The following MPPED2 variants were observed in gnomAD, a reference collection of about 807,000 sequenced individuals.
The protein encoded by MPPED2 is metallophosphoesterase MPPED2.
In MPPED2, 5 loss-of-function variants were observed where a neutral mutation model predicts 33.0. The observed-to-expected ratio is 0.15, with a 90% CI of 0.08 to 0.32. The LOEUF (loss-of-function observed/expected upper bound fraction) is 0.32, where lower values mean the gene tolerates loss of function less well. Ranked by LOEUF, MPPED2 falls within the 10% of genes least tolerant of loss-of-function variation. MPPED2 has a pLI of 1.00. For synonymous variants in MPPED2, 136 were observed against 141.9 expected, an observed-to-expected ratio of 0.96 and a Z score of 0.29; for missense variants, 275 against 372.1, an observed-to-expected ratio of 0.74 and a Z score of 2.15.
chr11:30,448,278 A>G (rs1356411148), intron 4 of MPPED2, among the ~76,000 whole-genome samples: 1 of 152,254 alleles, frequency 6.6e-6, no homozygotes, highest in East Asian at 1.9e-4. Flanking sequence ...GTGGGGAGGG[A>G]GCCATGATGT....
chr11:30,397,337 A>G (rs1366330946), intron 6 of MPPED2, among the ~76,000 whole-genome samples: 2 of 152,158 alleles, frequency 1.3e-5, no homozygotes, highest in Admixed American at 6.6e-5. Flanking sequence ...CTCCTCTAGT[A>G]AATTTCATAT....
intron 3 of MPPED2, among the ~76,000 whole-genome samples, chr11:30,499,165 C>A (rs1952439871): frequency 6.6e-6 from 1 of 152,154 alleles, no homozygotes; most frequent in Non-Finnish European, 1.5e-5. Flanking sequence ...TGCAAAATAC[C>A]CTCTAACCAC....
chr11:30,555,572 T>C (rs1955925668), intron 2 of MPPED2, among the ~76,000 whole-genome samples: 1 of 152,250 alleles, frequency 6.6e-6, no homozygotes, highest in East Asian at 1.9e-4. Flanking sequence ...GCCCTTCTCA[T>C]GATAGTGAAT....
intron 2 of MPPED2, among the ~76,000 whole-genome samples, chr11:30,553,750 C>G (rs1439749323): frequency 6.6e-6 from 1 of 152,124 alleles, no homozygotes; most frequent in Non-Finnish European, 1.5e-5. Context: ...GAGGGATAAG[C>G]AGCCACTTCA....
At chr11:30,400,081 T>C (rs1372299028) in intron 6 of MPPED2, among the ~76,000 whole-genome samples, 5 of 152,142 alleles carry the variant, frequency 3.3e-5, no homozygotes, top group Non-Finnish European at 7.4e-5. Flanking sequence ...ATACAGCATA[T>C]TACTTTTTAA....
chr11:30,514,251 G>A (rs964060396), intron 3 of MPPED2, among the ~76,000 whole-genome samples: 4 of 152,142 alleles, frequency 2.6e-5, no homozygotes, highest in East Asian at 3.8e-4. Flanking sequence ...CCTGGCCAGC[G>A]AAACATGAAG....
intron 3 of MPPED2, among the ~76,000 whole-genome samples, chr11:30,503,508 C>CT (rs951036920): frequency 3.3e-5 from 5 of 151,826 alleles, no homozygotes; most frequent in Non-Finnish European, 7.4e-5. Flanking sequence ...TCTCCACACC[C>CT]TTTTTTTTAA....
chr11:30,583,857 T>C (rs1957311013), intron 1 of MPPED2, among the ~76,000 whole-genome samples: 1 of 152,166 alleles, frequency 6.6e-6, no homozygotes, highest in East Asian at 1.9e-4. Flanking sequence ...CCCCAAGATC[T>C]CCAGACCGAG....
chr11:30,471,037 G>T (rs1388237774), intron 4 of MPPED2, among the ~76,000 whole-genome samples: 2 of 152,112 alleles, frequency 1.3e-5, no homozygotes, highest in Admixed American at 6.6e-5. Flanking sequence ...TCAATTAATG[G>T]TTCATTATCA....
intron 4 of MPPED2, among the ~76,000 whole-genome samples, chr11:30,436,916 A>G (rs929072756): frequency 1.3e-5 from 2 of 152,210 alleles, no homozygotes; most frequent in African/African-American, 2.4e-5. Context: ...ATAAATAAAG[A>G]CATCATCTCC....
At chr11:30,397,548 G>T (rs1046522412) in intron 6 of MPPED2, among the ~76,000 whole-genome samples, 2 of 152,238 alleles carry the variant, frequency 1.3e-5, no homozygotes, top group Middle Eastern at 3.4e-3. Context: ...ATTCAAGGAA[G>T]ATAAGTCATA....
At chr11:30,549,238 A>T (rs552814367) in intron 2 of MPPED2, among the ~76,000 whole-genome samples, 6 of 152,268 alleles carry the variant, frequency 3.9e-5, no homozygotes, top group African/African-American at 1.4e-4. Context: ...TTCTTTCTGT[A>T]CCTGGTTATA....
chr11:30,560,656 C>T (rs1418694229), intron 2 of MPPED2, among the ~76,000 whole-genome samples: 1 of 152,196 alleles, frequency 6.6e-6, no homozygotes, highest in East Asian at 1.9e-4. Flanking sequence ...ACTCAAGACA[C>T]TTTACTTGGA....
At chr11:30,419,914 C>G (rs545153928) in intron 4 of MPPED2, among the ~76,000 whole-genome samples, 50 of 152,272 alleles carry the variant, frequency 3.3e-4, no homozygotes, top group African/African-American at 1.2e-3. Flanking sequence ...GCCAACTGAA[C>G]TTTTCCTTCT....
intron 1 of MPPED2, chr11:30,584,376 A>ACACACACACACACACACC (rs1309532203): frequency 8.2e-5 from 6 of 72,832 alleles, no homozygotes; most frequent in African/African-American, 1.1e-4. Context: ...ACACACACAC[A>ACACACACACACACACACC]CCACATACAC....
chr11:30,412,251 C>T (rs982188363), intron 6 of MPPED2, among the ~76,000 whole-genome samples: 1 of 149,128 alleles, frequency 6.7e-6, no homozygotes, highest in Middle Eastern at 3.4e-3. Flanking sequence ...GATACTAGAT[C>T]AAGCAAAAAC....
chr11:30,504,751 C>T, intron 3 of MPPED2: 1 of 1,287,334 alleles, frequency 7.8e-7, no homozygotes, highest in Non-Finnish European at 1.0e-6. Context: ...CTGATGGAGC[C>T]ACACAGCAGG....
In MPPED2 at chr11:30,426,058, C is replaced by T. The variant is rs1055453013; in HGVS notation, c.537-8425G>A. ...TATTAGGTTGGTGCAAAAGTAACTG[C>T]GGTTTTTGCCATTACTTCCGATTAC... On this transcript the variant is annotated intron_variant, in intron 4 of 6. Coordinates refer to ENST00000358117, the MANE Select transcript of MPPED2 (RefSeq NM_001584.3). Among the ~76,000 whole-genome samples the T allele has an allele frequency of 4.6e-5, 7 of 152,084 alleles. No homozygotes were observed. The East Asian group carries it at 5.8e-4, about 13-fold the overall frequency.
chr11:30,438,908 G>A (rs902331868), intron 4 of MPPED2, among the ~76,000 whole-genome samples: 15 of 152,178 alleles, frequency 9.9e-5, no homozygotes, highest in African/African-American at 3.6e-4. Context: ...CTAGCAGGCA[G>A]AGATACCATC....
Sources: gnomAD v4.1 joint callset for allele counts (sites outside exome capture counted in the v4.1 genomes callset) on GRCh38, gnomAD v4.1.1 for gene constraint, MANE v1.5 for transcripts, NCBI Gene and HGNC (gene_info 2026-07-23, HGNC 2026-07-21) for gene names.